SLC35F4: variants seen among roughly 807,000 people sequenced by gnomAD.
The protein encoded by SLC35F4 is chromosome 14 open reading frame 36.
SLC35F4 carries 24 observed loss-of-function variants against 44.2 expected under a neutral mutation model. The observed-to-expected ratio is 0.54, with a 90% CI of 0.39 to 0.76. The LOEUF (loss-of-function observed/expected upper bound fraction) is 0.76. Ranked by LOEUF, SLC35F4 falls within the 30% of genes least tolerant of loss-of-function variation. SLC35F4 has a pLI of 0.00. For missense variants in SLC35F4, 562 were observed against 586.1 expected (o/e 0.96, Z 0.42); for synonymous variants, 238 against 223.6 (o/e 1.06, Z -0.57).
downstream of SLC35F4, among the ~76,000 whole-genome samples, chr14:57,974,313 C>T (rs1421367477): frequency 6.6e-6 from 1 of 152,156 alleles, no homozygotes; most frequent in Non-Finnish European, 1.5e-5. Context: ...TCCCCAGAAA[C>T]CCAGATGAAA....
intron 3 of SLC35F4, among the ~76,000 whole-genome samples, chr14:57,587,951 C>T (rs2069886204): frequency 6.6e-6 from 1 of 150,984 alleles, no homozygotes; most frequent in African/African-American, 2.4e-5. Flanking sequence ...TTTGGGCGGC[C>T]AAGGTGGTCA....
intron 1 of SLC35F4, among the ~76,000 whole-genome samples, chr14:57,950,139 T>G (rs1890107921): frequency 6.6e-6 from 1 of 152,142 alleles, no homozygotes; most frequent in Non-Finnish European, 1.5e-5. Context: ...CTTTTAGATT[T>G]CTCGTCTTCC....
rs996959699 is a variant in SLC35F4 at position 57,932,588 on chromosome 14, C to T, written n.282+49325G>A. Among the ~76,000 whole-genome samples, 13 of 152,254 alleles carry T rather than the reference C, an allele frequency of 8.5e-5. No individual in the cohort carries two copies. In the East Asian group the frequency reaches 2.5e-3, roughly 29 times the overall value. On this transcript the variant is annotated intron_variant and non_coding_transcript_variant, in intron 1 of 1. Coordinates refer to the SLC35F4 transcript ENST00000556568. ...TTGGGACCAGGTGTGGTGTCTCACA[C>T]CTGTAATCCCAACACTTTGGGAGGC... is the stretch of plus-strand genomic sequence containing the variant.
chr14:57,962,799 C>CT (rs1351128421), intron 1 of SLC35F4, among the ~76,000 whole-genome samples: 1 of 152,208 alleles, frequency 6.6e-6, no homozygotes, highest in African/African-American at 2.4e-5. Context: ...CCTCCCTGCT[C>CT]TCCCTCCCTG....
intron 1 of SLC35F4, among the ~76,000 whole-genome samples, chr14:57,763,155 A>G (rs913469834): frequency 2.6e-5 from 4 of 152,136 alleles, no homozygotes; most frequent in South Asian, 2.1e-4. Flanking sequence ...TAATGTGTTA[A>G]GTTTTAGCTA....
intron 1 of SLC35F4, among the ~76,000 whole-genome samples, chr14:57,627,487 T>C (rs978699094): frequency 7.5e-6 from 1 of 133,590 alleles, no homozygotes; most frequent in African/African-American, 3.9e-5. Context: ...GGAATTATAC[T>C]TACTTTAAAT....
intron 1 of SLC35F4, among the ~76,000 whole-genome samples, chr14:57,632,399 G>C (rs1758442381): frequency 6.6e-6 from 1 of 152,010 alleles, no homozygotes; most frequent in South Asian, 2.1e-4. Flanking sequence ...AGTAGATGAG[G>C]AGTCACAGGG....
At chr14:57,793,213 G>C (rs981814489) in intron 1 of SLC35F4, among the ~76,000 whole-genome samples, 1 of 151,794 alleles carries the variant, frequency 6.6e-6, no homozygotes, top group African/African-American at 2.4e-5. Context: ...AATAACACCT[G>C]CTCCACCTTT....
At chr14:57,871,210 G>A (rs1042526363) in intron 1 of SLC35F4, among the ~76,000 whole-genome samples, 8 of 152,132 alleles carry the variant, frequency 5.3e-5, no homozygotes, top group Non-Finnish European at 8.8e-5. Flanking sequence ...AGCCCCAGAG[G>A]GATCACATGT....
intron 1 of SLC35F4, among the ~76,000 whole-genome samples, chr14:57,840,502 A>G (rs545156385): frequency 2.0e-5 from 3 of 152,334 alleles, no homozygotes; most frequent in Admixed American, 6.5e-5. Context: ...TGGAGAAGGA[A>G]AAAAGTACAA....
chr14:57,898,789 C>T (rs1461860450), intron 1 of SLC35F4, among the ~76,000 whole-genome samples: 2 of 152,184 alleles, frequency 1.3e-5, no homozygotes, highest in Non-Finnish European at 2.9e-5. Context: ...CGCATGTTGA[C>T]TTAATGGTCT....
intron 1 of SLC35F4, among the ~76,000 whole-genome samples, chr14:57,848,826 C>T (rs1383974146): frequency 6.6e-6 from 1 of 152,254 alleles, no homozygotes; most frequent in East Asian, 1.9e-4. Flanking sequence ...CAGGATTCCT[C>T]GACTGTCACA....
chr14:57,593,452 T>G (rs990672495), intron 2 of SLC35F4, among the ~76,000 whole-genome samples: 18 of 152,272 alleles, frequency 1.2e-4, no homozygotes, highest in African/African-American at 3.4e-4. Flanking sequence ...AAAATGCTGA[T>G]CAGGGAAGCC....
chr14:57,908,418 A>T (rs1267817815), intron 1 of SLC35F4, among the ~76,000 whole-genome samples: 1 of 152,202 alleles, frequency 6.6e-6, no homozygotes, highest in Non-Finnish European at 1.5e-5. Flanking sequence ...AACAGTGTAA[A>T]AGCATTCCTA....
At chr14:57,579,961 A>G (rs966136439) in intron 4 of SLC35F4, among the ~76,000 whole-genome samples, 3 of 152,318 alleles carry the variant, frequency 2.0e-5, no homozygotes. Flanking sequence ...TTGTCAGGGT[A>G]TCTGATGGTA....
intron 1 of SLC35F4, among the ~76,000 whole-genome samples, chr14:57,896,507 G>T (rs1010981928): frequency 6.6e-6 from 1 of 152,134 alleles, no homozygotes; most frequent in African/African-American, 2.4e-5. Context: ...TTCTTGATCT[G>T]GGCAGTGCCC....
chr14:57,870,550 T>C (rs186403499), upstream of SLC35F4, among the ~76,000 whole-genome samples: 136 of 152,310 alleles, frequency 8.9e-4, 2 homozygotes, highest in Admixed American at 8.8e-3. Flanking sequence ...TCATATATAT[T>C]AGCTATCAGT....
intron 1 of SLC35F4, among the ~76,000 whole-genome samples, chr14:57,730,724 C>T (rs932043126): frequency 1.3e-5 from 2 of 152,094 alleles, no homozygotes; most frequent in African/African-American, 2.4e-5. Flanking sequence ...TTTTATTTCT[C>T]CCTGTTTCAT....
At chr14:57,773,684 G>T (rs371247844) in intron 1 of SLC35F4, among the ~76,000 whole-genome samples, 33 of 151,540 alleles carry the variant, frequency 2.2e-4, no homozygotes, top group African/African-American at 7.5e-4. Flanking sequence ...AAAAACAATT[G>T]TTTAACATGA....
Sources: gnomAD v4.1 joint callset for allele counts (sites outside exome capture counted in the v4.1 genomes callset) on GRCh38, gnomAD v4.1.1 for gene constraint, MANE v1.5 for transcripts, NCBI Gene and HGNC (gene_info 2026-07-23, HGNC 2026-07-21) for gene names.